The following TBCD variants were observed in gnomAD, a reference collection of about 807,000 sequenced individuals.
TBCD encodes tubulin-specific chaperone D.
A neutral mutation model predicts 169.3 loss-of-function variants in TBCD; 105 were observed. The observed-to-expected ratio is 0.62, with a 90% CI of 0.53 to 0.73. The LOEUF is 0.73. Among genes scored for constraint, TBCD ranks in the 30% least tolerant of loss-of-function variants. The pLI, the probability that TBCD is intolerant of heterozygous loss-of-function variation, is 0.00. For missense variants in TBCD, 1,444 were observed against 1,600.1 expected, an observed-to-expected ratio of 0.90 and a Z score of 1.66; for synonymous variants, 700 against 643.9, an observed-to-expected ratio of 1.09 and a Z score of -1.32.
intron 7 of TBCD, among the ~76,000 whole-genome samples, chr17:82,783,912 G>A (rs1029145606): frequency 3.9e-5 from 6 of 152,114 alleles, no homozygotes; most frequent in African/African-American, 9.7e-5. Context: ...ATTACTTGAG[G>A]TCGGGAGTTC....
At chr17:82,802,374 G>T (rs2050636233) in intron 9 of TBCD, among the ~76,000 whole-genome samples, 1 of 152,138 alleles carries the variant, frequency 6.6e-6, no homozygotes, top group African/African-American at 2.4e-5. Flanking sequence ...TTGTGTTGCA[G>T]TGTTGGGTGT....
chr17:82,927,485 G>A (rs959635952), intron 29 of TBCD, among the ~76,000 whole-genome samples, 162 bp downstream of exon 29: 2 of 152,222 alleles, frequency 1.3e-5, no homozygotes, highest in African/African-American at 2.4e-5. Context: ...CTGCTCCCGG[G>A]TGAGCCTGCG....
intron 13 of TBCD, chr17:82,830,939 G>T: frequency 1.9e-6 from 3 of 1,613,274 alleles, no homozygotes; most frequent in Non-Finnish European, 2.5e-6. Flanking sequence ...GCGTGAAGCA[G>T]TGTGAGCAAG....
intron 13 of TBCD, among the ~76,000 whole-genome samples, chr17:82,816,648 C>T (rs1410055986): frequency 1.3e-5 from 2 of 152,058 alleles, no homozygotes; most frequent in Non-Finnish European, 2.9e-5. Context: ...ATCCTCTCAC[C>T]TCAGCCTCCT....
intron 15 of TBCD, among the ~76,000 whole-genome samples, chr17:82,887,129 C>CTG (rs1491345032): frequency 5.2e-3 from 346 of 66,256 alleles, no homozygotes; most frequent in Non-Finnish European, 6.7e-3. Context: ...TTTACCTGTA[C>CTG]TCTGTGTGTG....
chr17:82,793,305 C>G (rs948877516), intron 7 of TBCD, among the ~76,000 whole-genome samples: 2 of 152,150 alleles, frequency 1.3e-5, no homozygotes, highest in Non-Finnish European at 2.9e-5. Flanking sequence ...CCTGTCCCCA[C>G]CAGTGCCCCC....
intron 20 of TBCD, 25 bp downstream of exon 20, chr17:82,906,078 A>G: frequency 1.3e-6 from 2 of 1,545,984 alleles, no homozygotes; most frequent in African/African-American, 1.4e-5. Context: ...TCTCGAGGAG[A>G]CACAGGGCTC....
intron 14 of TBCD, among the ~76,000 whole-genome samples, chr17:82,879,259 C>T (rs1337840744): frequency 6.6e-6 from 1 of 151,968 alleles, no homozygotes; most frequent in African/African-American, 2.4e-5. Flanking sequence ...TAGGTCCCCT[C>T]CCTCTGTAGC....
At chr17:82,885,381 C>T (rs2058650294) in intron 15 of TBCD, among the ~76,000 whole-genome samples, 1 of 152,182 alleles carries the variant, frequency 6.6e-6, no homozygotes, top group Non-Finnish European at 1.5e-5. Flanking sequence ...TCTTCTATAG[C>T]TTCTGGTGGT....
rs139648409 is a variant in TBCD at position 82,792,825 on chromosome 17, T to C, written c.772-4932T>C. ...ACCTTTTTTTTTGGCGTCAGTGGCATGATCTCAGCTCACTGCAACCTCCAC... is the reference window on the plus strand; with the variant it reads ...ACCTTTTTTTTTGGCGTCAGTGGCACGATCTCAGCTCACTGCAACCTCCAC... On this transcript the variant is annotated intron_variant, in intron 7 of 38. Transcript: ENST00000355528. Among the ~76,000 whole-genome samples the C allele has an allele frequency of 1.0e-2, 1,517 of 152,280 alleles. 20 individuals carry two copies. The highest frequency in any genetic ancestry group is 0.035 in the African/African-American group (1,443 of 41,546).
chr17:82,813,457 C>A (rs977262570), intron 12 of TBCD, among the ~76,000 whole-genome samples: 2 of 152,126 alleles, frequency 1.3e-5, no homozygotes, highest in Admixed American at 1.3e-4. Context: ...TGGACAGGGT[C>A]CCCTGTCCGG....
intron 13 of TBCD, among the ~76,000 whole-genome samples, chr17:82,825,936 G>A (rs1209006638): frequency 2.0e-5 from 3 of 152,184 alleles, no homozygotes. Flanking sequence ...ACTGCACTCC[G>A]GCCTGGGCCA....
intron 7 of TBCD, among the ~76,000 whole-genome samples, chr17:82,794,469 A>C (rs980967447): frequency 1.1e-4 from 17 of 152,046 alleles, no homozygotes; most frequent in African/African-American, 4.1e-4. Flanking sequence ...ACCTCTGTCT[A>C]GTGTATGCTT....
chr17:82,829,729 A>C (rs1444519488), intron 13 of TBCD: 3 of 190,226 alleles, frequency 1.6e-5, no homozygotes, highest in Non-Finnish European at 3.3e-5. Flanking sequence ...CTTTAATGTT[A>C]GTACTGAAAA....
chr17:82,896,187 T>C (rs1278395779), intron 17 of TBCD, among the ~76,000 whole-genome samples: 1 of 152,114 alleles, frequency 6.6e-6, no homozygotes, highest in Non-Finnish European at 1.5e-5. Flanking sequence ...GTTCAGGCAG[T>C]GGGCACTCTC....
At chr17:82,856,208 T>A (rs1466207281) in intron 13 of TBCD, among the ~76,000 whole-genome samples, 1 of 151,790 alleles carries the variant, frequency 6.6e-6, no homozygotes, top group Non-Finnish European at 1.5e-5. Flanking sequence ...CTCACCAGCT[T>A]AAAATCATAT....
At chr17:82,940,543 C>T (rs1294080791) in intron 37 of TBCD, among the ~76,000 whole-genome samples, 2 of 152,200 alleles carry the variant, frequency 1.3e-5, no homozygotes, top group Non-Finnish European at 2.9e-5. Context: ...ATAGAGCTCA[C>T]GCACCAGGCA....
At position 82,889,010 on chromosome 17, in the gene TBCD, C is replaced by T. The variant is rs114271464; in HGVS notation, c.1534-658C>T. Among the ~76,000 whole-genome samples, 1,979 of 152,246 alleles carry T rather than the reference C, an allele frequency of 0.013. 60 individuals are homozygous for T. The highest frequency in any genetic ancestry group is 0.045 in the African/African-American group (1,882 of 41,546). ...GGAGCCCGGGTGCTTTTGGGAAGGA[C>T]GGGGCACCAGCTGGTGACACATGGG... On this transcript the variant is annotated intron_variant, in intron 15 of 38. Coordinates refer to ENST00000355528, the MANE Select transcript of TBCD (RefSeq NM_005993.5). This position sits in a 1 kb window ranked among gnomAD's most constrained non-coding sequence, Gnocchi z 5.3.
At position 82,930,548 on chromosome 17, in the gene TBCD, T is replaced by G. The variant is rs1274672880; in HGVS notation, c.3018T>G (p.Phe1006Leu). 1 of 1,613,532 alleles carries G rather than the reference T, an allele frequency of 6.2e-7. No homozygotes were observed. The highest frequency in any genetic ancestry group is 2.2e-5 in the East Asian group (1 of 44,866). ...TCCGGCACTCCACCCAGAGCCTCTT[T>G]GAGTACATGAAGGGCATTCAGAGCG... ...STIRHSTQSL[F>L]EYMKGIQSDP... is the part of the protein sequence containing the mutation. Residue 1006 changes from phenylalanine (F) to leucine (L), a missense_variant, in exon 33 of 39, where the codon TTT (phenylalanine) becomes TTG (leucine). Coordinates refer to ENST00000355528, the MANE Select transcript of TBCD (RefSeq NM_005993.5). This position sits in a 1 kb window ranked among gnomAD's most constrained non-coding sequence, Gnocchi z 5.2.
Sources: allele counts gnomAD v4.1 joint callset (sites outside exome capture counted in the v4.1 genomes callset), GRCh38; gene constraint gnomAD v4.1.1; non-coding constraint Gnocchi (gnomAD v3.1); transcripts MANE v1.5; gene names NCBI Gene and HGNC (gene_info 2026-07-23, HGNC 2026-07-21).